The following ESRRG variants were observed in gnomAD, a reference collection of about 807,000 sequenced individuals.
ESRRG encodes the protein estrogen-related receptor gamma.
ESRRG carries 13 observed loss-of-function variants against 44.0 expected under a neutral mutation model. The observed-to-expected ratio is 0.30, with a 90% CI of 0.19 to 0.47. The LOEUF (loss-of-function observed/expected upper bound fraction) is 0.47, where lower values mean the gene tolerates loss of function less well. Among genes scored for constraint, ESRRG ranks in the 20% least tolerant of loss-of-function variants. The pLI, the probability that ESRRG is intolerant of heterozygous loss-of-function variation, is 1.00. For missense variants in ESRRG, 395 were observed against 580.6 expected (o/e 0.68, Z 3.29); for synonymous variants, 215 against 214.6 (o/e 1.00, Z -0.02).
Position 216,568,006 on chromosome 1 carries a change from G to T in ESRRG, c.682C>A (p.Gln228Lys). The T allele has an allele frequency of 6.2e-7, 1 of 1,612,834 alleles. No homozygotes were observed. The highest frequency in any genetic ancestry group is 1.1e-5 in the South Asian group (1 of 91,030). ...NSPYLNPQLV[Q>K]PAKKPYNKIV... is the part of the protein sequence containing the mutation. ...TACTTACATGGCTTTTTGGCTGGCT[G>T]AACCAGCTGAGGGTTCAGGTATGGG... The change falls in exon 4 of 7, where the codon CAG becomes AAG. Residue 228 changes from glutamine to lysine, a missense_variant. Gln to Lys is a moderately conservative substitution (Grantham distance 53, BLOSUM62 1). Coordinates refer to ENST00000408911, the MANE Select transcript of ESRRG (RefSeq NM_001438.4).
intron 5 of ESRRG, among the ~76,000 whole-genome samples, chr1:216,546,320 C>T (rs2054495435): frequency 6.6e-6 from 1 of 152,132 alleles, no homozygotes; most frequent in Non-Finnish European, 1.5e-5. Flanking sequence ...TTGAGAATAA[C>T]GGTATCAAAA....
intron 1 of ESRRG, among the ~76,000 whole-genome samples, chr1:216,980,323 C>T (rs1479767856): frequency 1.3e-5 from 2 of 152,130 alleles, no homozygotes; most frequent in African/African-American, 4.8e-5. Context: ...GTTCAACTGC[C>T]TTTTAGACAA....
At chr1:216,752,241 G>T (rs149475289) in intron 2 of ESRRG, among the ~76,000 whole-genome samples, 1 of 152,042 alleles carries the variant, frequency 6.6e-6, no homozygotes, top group East Asian at 1.9e-4. Context: ...TCAATAGCAA[G>T]AGAGCAGATT....
rs572104277 is a variant in ESRRG at position 216,940,432 on chromosome 1, T to C, written c.-105-759A>G. On this transcript the variant is annotated intron_variant, in intron 1 of 7. Transcript: ENST00000359162. Reference sequence around the variant, plus strand: ...TGTTCAGAGCAACAAAGCAATCCCTTGGATATCCGGGGAAATTCTGTGCCG... The same window carrying C: ...TGTTCAGAGCAACAAAGCAATCCCTCGGATATCCGGGGAAATTCTGTGCCG... Among the ~76,000 whole-genome samples, 10 of 152,286 alleles carry C rather than the reference T, an allele frequency of 6.6e-5. No homozygotes were observed. In the East Asian group the frequency reaches 1.9e-3, roughly 29 times the overall value.
At chr1:216,620,565 C>A (rs2062058757) in intron 3 of ESRRG, among the ~76,000 whole-genome samples, 1 of 152,176 alleles carries the variant, frequency 6.6e-6, no homozygotes, top group African/African-American at 2.4e-5. Context: ...AATAAGCATG[C>A]ACTTTGGTGA....
At position 217,006,488 on chromosome 1, in the gene ESRRG, G is replaced by A. The variant is rs183609922; in HGVS notation, c.-105-66815C>T. Among the ~76,000 whole-genome samples, 5 of 152,176 alleles carry A rather than the reference G, an allele frequency of 3.3e-5. No homozygotes were observed. The East Asian group carries it at 9.7e-4, about 29-fold the overall frequency. ...CCAACATTGCACTACAGTTACGTTG[G>A]AACTGGCTTAATAACAAAGATTAAT... On this transcript the variant is annotated intron_variant, in intron 1 of 7. Transcript: ENST00000359162.
At chr1:216,617,528 G>A in intron 3 of ESRRG, among the ~76,000 whole-genome samples, 1 of 151,564 alleles carries the variant, frequency 6.6e-6, no homozygotes. Flanking sequence ...GTTGAGGATG[G>A]GGACTTACGA....
intron 1 of ESRRG, among the ~76,000 whole-genome samples, chr1:216,998,179 G>C (rs1204912347): frequency 3.3e-5 from 5 of 152,116 alleles, no homozygotes; most frequent in Non-Finnish European, 7.4e-5. Context: ...CAAAGACCCT[G>C]TTTTCAAGCC....
Position 216,533,511 on chromosome 1 carries a change from A to G in ESRRG, c.863-14090T>C, listed in dbSNP as rs147600084. Among the ~76,000 whole-genome samples the G allele has an allele frequency of 2.4e-3, 373 of 152,254 alleles. 2 individuals are homozygous for G. Among genetic ancestry groups the G allele is most frequent in the African/African-American group, 8.6e-3 (357 of 41,570 alleles). On this transcript the variant is annotated intron_variant, in intron 5 of 6. Coordinates refer to ENST00000408911, the MANE Select transcript of ESRRG (RefSeq NM_001438.4). The stretch of plus-strand genomic sequence containing the variant: ...ATTTAATGTGTAGAGATGAACAACC[A>G]TAAATGTGATAAATGGCTACAGCAG...
At chr1:216,839,987 A>C (rs929221671) in intron 2 of ESRRG, among the ~76,000 whole-genome samples, 5 of 152,162 alleles carry the variant, frequency 3.3e-5, no homozygotes, top group African/African-American at 1.2e-4. Flanking sequence ...ACGAGCAATG[A>C]CTTCAACTTA....
At chr1:216,923,612 C>A (rs556210505) in intron 2 of ESRRG, among the ~76,000 whole-genome samples, 4 of 130,968 alleles carry the variant, frequency 3.1e-5, no homozygotes, top group Non-Finnish European at 3.6e-5. Context: ...AGCAGAGGAT[C>A]AAGATCTTAT....
At chr1:216,645,421 T>C (rs2067328747) in intron 3 of ESRRG, among the ~76,000 whole-genome samples, 1 of 152,112 alleles carries the variant, frequency 6.6e-6, no homozygotes. Flanking sequence ...CATTATATCA[T>C]TTTTAATAAA....
intron 1 of ESRRG, among the ~76,000 whole-genome samples, chr1:217,018,745 C>T (rs934570804): frequency 3.3e-5 from 5 of 152,112 alleles, no homozygotes; most frequent in African/African-American, 1.2e-4. Context: ...TGTCCATCCT[C>T]TCAAAAAAAA....
intron 1 of ESRRG, among the ~76,000 whole-genome samples, chr1:216,959,335 A>C (rs1163163260): frequency 3.2e-5 from 2 of 62,844 alleles, no homozygotes; most frequent in Non-Finnish European, 8.7e-5. Context: ...AGATATATCT[A>C]TTTAAAAGAA....
intron 2 of ESRRG, among the ~76,000 whole-genome samples, chr1:216,836,026 G>A (rs953517221): frequency 4.7e-5 from 7 of 149,430 alleles, no homozygotes; most frequent in Non-Finnish European, 7.4e-5. Context: ...TCTCAATCAA[G>A]TGAAATATTT....
intron 1 of ESRRG, among the ~76,000 whole-genome samples, chr1:217,037,500 G>A (rs529861184): frequency 2.8e-4 from 42 of 152,254 alleles, no homozygotes; most frequent in African/African-American, 9.4e-4. Flanking sequence ...GCACGGGAAA[G>A]ACCCAAACCC....
At chr1:217,074,103 A>G (rs573544454) in intron 1 of ESRRG, among the ~76,000 whole-genome samples, 117 of 148,464 alleles carry the variant, frequency 7.9e-4, no homozygotes, top group Admixed American at 2.4e-3. Context: ...GCTGGTGTGC[A>G]ATGGCACAAT....
chr1:217,041,529 A>G (rs1184892566), intron 1 of ESRRG, among the ~76,000 whole-genome samples: 8 of 152,238 alleles, frequency 5.3e-5, no homozygotes, highest in African/African-American at 1.4e-4. Context: ...GATGCCATGT[A>G]TGACAGTAAA....
At chr1:217,042,795 C>G (rs1295853598) in intron 1 of ESRRG, among the ~76,000 whole-genome samples, 3 of 152,070 alleles carry the variant, frequency 2.0e-5, no homozygotes, top group African/African-American at 2.4e-5. Flanking sequence ...AGCCAGTAAG[C>G]TCTGATTTGG....
Sources: gnomAD v4.1 joint callset for allele counts (sites outside exome capture counted in the v4.1 genomes callset) on GRCh38, gnomAD v4.1.1 for gene constraint, MANE v1.5 for transcripts, NCBI Gene and HGNC (gene_info 2026-07-23, HGNC 2026-07-21) for gene names.